THAP6: variants seen among roughly 807,000 people sequenced by gnomAD.
THAP6 encodes the protein THAP domain containing 6.
Under a neutral mutation model 20.0 loss-of-function variants are expected in THAP6, and 13 were observed. The ratio of observed to expected loss-of-function variants is 0.65; its 90% CI spans 0.42 to 1.03. The LOEUF is 1.03. Ranked by LOEUF, THAP6 falls within the 50% of genes least tolerant of loss-of-function variation. THAP6 has a pLI of 0.00. For missense variants in THAP6, 262 were observed against 261.6 expected, an observed-to-expected ratio of 1.00 and a Z score of -0.01; for synonymous variants, 93 against 92.2, an observed-to-expected ratio of 1.01 and a Z score of -0.05.
chr4:75,518,787 C>A (rs942271599), intron 3 of THAP6, among the ~76,000 whole-genome samples: 2 of 152,206 alleles, frequency 1.3e-5, no homozygotes, highest in Admixed American at 1.3e-4. Flanking sequence ...AATCCTACAT[C>A]TTCCAGAGAA....
In THAP6 at chr4:75,526,748, G is replaced by C. The variant is rs574230165; in HGVS notation, c.415-212G>C. Among the ~76,000 whole-genome samples, 3 of 152,326 alleles carry C rather than the reference G, an allele frequency of 2.0e-5. No individual in the cohort carries two copies. In the South Asian group the frequency reaches 6.2e-4, roughly 32 times the overall value. On this transcript the variant is annotated intron_variant, in intron 4 of 4. Transcript: ENST00000311638. ...CCATCCATAATATTCTGCAGTCTTT[G>C]TGTATGCCTGGCCTTAGTAAAAGGA...
At chr4:75,525,754 C>T (rs562176872) in intron 4 of THAP6, among the ~76,000 whole-genome samples, 3 of 152,210 alleles carry the variant, frequency 2.0e-5, no homozygotes, top group South Asian at 2.1e-4. Context: ...AGAAACTGTT[C>T]GACCCTTTCA....
upstream of THAP6, chr4:75,514,075 G>T: frequency 6.9e-7 from 1 of 1,458,306 alleles, no homozygotes; most frequent in Non-Finnish European, 9.2e-7. Context: ...AGTTCCAGGT[G>T]GAAAAGGTAT....
intron 2 of THAP6, 107 bp from the exon 3 acceptor site, chr4:75,516,661 CTAAT>C: frequency 2.4e-6 from 2 of 828,630 alleles, no homozygotes; most frequent in Non-Finnish European, 3.7e-6. Context: ...ATTCTCAAGA[CTAAT>C]AAACTAGTTA....
At chr4:75,525,203 A>G (rs1726288729) in intron 4 of THAP6, among the ~76,000 whole-genome samples, 1 of 152,142 alleles carries the variant, frequency 6.6e-6, no homozygotes, top group Admixed American at 6.5e-5. Context: ...AATTTTGGCC[A>G]TGATTTCTTC....
Position 75,528,410 on chromosome 4 carries a change from G to A in THAP6, c.*1196G>A. The A allele has an allele frequency of 1.0e-6, 1 of 985,414 alleles. No homozygotes were observed. The highest frequency in any genetic ancestry group is 1.2e-6 in the Non-Finnish European group (1 of 829,918). The allele number at this position is 985,414 out of a possible 1,614,324, so 61.0% of individuals were successfully genotyped here. On this transcript the variant is annotated 3_prime_UTR_variant, in exon 5 of 5. Coordinates refer to ENST00000311638, the MANE Select transcript of THAP6 (RefSeq NM_144721.6). ...ATTTGCCAAAGCAACACTCTACTTA[G>A]AAGCACATGTACATACATGGACCTC... is the stretch of plus-strand genomic sequence containing the variant.
chr4:75,515,526 T>G lies in THAP6; in HGVS notation c.74T>G (p.Phe25Cys). The G allele has an allele frequency of 6.2e-7, 1 of 1,613,708 alleles. No individual in the cohort carries two copies. ...LPNSKLKGLT[F>C]HVFPTDENIK... ...AATTCGAAGTTAAAAGGACTGACAT[T>G]TCACGTGTAAGATTTTGCTGTAGTT... Residue 25 changes from phenylalanine to cysteine, a missense_variant, in exon 2 of 5, where the codon TTT becomes TGT. Physicochemically the swap from Phe to Cys is radical, Grantham distance 205. Transcript: ENST00000311638.
intron 3 of THAP6, among the ~76,000 whole-genome samples, chr4:75,518,688 C>T (rs1228553325): frequency 6.6e-6 from 1 of 152,338 alleles, no homozygotes; most frequent in African/African-American, 2.4e-5. Context: ...TTAACTACTA[C>T]TCTCCATGAC....
At chr4:75,539,849 C>T (rs1402668089) in intron 2 of THAP6, 3 of 1,536,000 alleles carry the variant, frequency 2.0e-6, no homozygotes, top group Non-Finnish European at 1.7e-6. Context: ...TAAATTCCAT[C>T]CCATCCCAGA....
chr4:75,517,386 T>G (rs1725730228), intron 3 of THAP6: 1 of 159,330 alleles, frequency 6.3e-6, no homozygotes. Context: ...GTTTGCTTAT[T>G]CATTTGAAGT....
At chr4:75,546,322 C>T (rs1727126189) in intron 3 of THAP6, among the ~76,000 whole-genome samples, 1 of 152,200 alleles carries the variant, frequency 6.6e-6, no homozygotes, top group Non-Finnish European at 1.5e-5. Context: ...GCTCTCTTCA[C>T]CAGCACCTTT....
intron 2 of THAP6, among the ~76,000 whole-genome samples, chr4:75,537,566 A>T (rs1379762377): frequency 6.6e-6 from 1 of 152,104 alleles, no homozygotes. Context: ...GCCACGTGGA[A>T]CTGTGAGTCC....
At position 75,528,603 on chromosome 4, in the gene THAP6, C is replaced by T; in HGVS notation, c.*1389C>T. 1 of 984,362 alleles carries T rather than the reference C, an allele frequency of 1.0e-6. No homozygotes were observed. Among genetic ancestry groups the T allele is most frequent in the Non-Finnish European group, 1.2e-6 (1 of 829,084 alleles). 61.0% of individuals were successfully genotyped at this position (984,362 alleles called of 1,614,324 possible). A position where few individuals can be genotyped will look rare whatever the true frequency, so the allele number is the denominator to read the frequency against. ...TGAATTTTTTGTATTTAAGAATTTT[C>T]TGTTTTAATGCATGTTATACTTTTA... On this transcript the variant is annotated 3_prime_UTR_variant, in exon 5 of 5. Coordinates refer to ENST00000311638, the MANE Select transcript of THAP6 (RefSeq NM_144721.6).
chr4:75,540,750 T>C (rs1726978865), intron 2 of THAP6, among the ~76,000 whole-genome samples: 1 of 152,136 alleles, frequency 6.6e-6, no homozygotes, highest in Non-Finnish European at 1.5e-5. Flanking sequence ...AAAATTTCAA[T>C]AAAAATAAGG....
At position 75,529,194 on chromosome 4, in the gene THAP6, C is replaced by T. The variant is rs1477526984; in HGVS notation, c.*1980C>T. The T allele has an allele frequency of 1.2e-5, 12 of 984,036 alleles. No homozygotes were observed. The highest frequency in any genetic ancestry group is 1.3e-5 in the Non-Finnish European group (11 of 828,824). 61.0% of individuals were successfully genotyped at this position (984,036 alleles called of 1,614,324 possible). A position where few individuals can be genotyped will look rare whatever the true frequency, so the allele number is the denominator to read the frequency against. The stretch of plus-strand genomic sequence containing the variant: ...TGTTTTCAATAGAGATTATTTTTCC[C>T]TCACCCTATTTGTGAATATATAAAT... On this transcript the variant is annotated 3_prime_UTR_variant, in exon 5 of 5. Coordinates refer to ENST00000311638, the MANE Select transcript of THAP6 (RefSeq NM_144721.6).
chr4:75,526,660 T>C (rs1295281462), intron 4 of THAP6, among the ~76,000 whole-genome samples: 2 of 152,214 alleles, frequency 1.3e-5, no homozygotes, highest in African/African-American at 2.4e-5. Flanking sequence ...CAGCACCACA[T>C]TGAATGAACA....
At chr4:75,538,879 A>C (rs1406051212) in intron 2 of THAP6, among the ~76,000 whole-genome samples, 5 of 152,214 alleles carry the variant, frequency 3.3e-5, no homozygotes, top group Non-Finnish European at 5.9e-5. Context: ...CAGGAAACCC[A>C]AGAGCAGAAG....
chr4:75,521,496 T>C (rs898608879), intron 3 of THAP6, among the ~76,000 whole-genome samples: 1 of 152,120 alleles, frequency 6.6e-6, no homozygotes, highest in African/African-American at 2.4e-5. Context: ...CTGTATATTA[T>C]ATTTTTAATA....
downstream of THAP6, among the ~76,000 whole-genome samples, chr4:75,530,793 C>T (rs1170359704): frequency 6.6e-6 from 1 of 152,150 alleles, no homozygotes; most frequent in Non-Finnish European, 1.5e-5. Flanking sequence ...ACAAAGATGC[C>T]ACATCATGCA....
Sources: allele counts gnomAD v4.1 joint callset (sites outside exome capture counted in the v4.1 genomes callset), GRCh38; gene constraint gnomAD v4.1.1; transcripts MANE v1.5; gene names NCBI Gene and HGNC (gene_info 2026-07-23, HGNC 2026-07-21).